The following SLC35F3 variants were observed in gnomAD, a reference collection of about 807,000 sequenced individuals.
SLC35F3 encodes solute carrier family 35 member F3, also known as putative thiamine transporter SLC35F3.
Under a neutral mutation model 49.9 loss-of-function variants are expected in SLC35F3, and 25 were observed. The ratio of observed to expected loss-of-function variants is 0.50; its 90% confidence interval spans 0.37 to 0.70. The LOEUF is 0.70. Ranked by LOEUF, SLC35F3 falls within the 30% of genes least tolerant of loss-of-function variation. SLC35F3 has a pLI of 0.00. For synonymous variants in SLC35F3, 275 were observed against 265.4 expected (o/e 1.04, Z -0.35); for missense variants, 525 against 639.8 (o/e 0.82, Z 1.94).
In SLC35F3 at chr1:234,215,201, T is replaced by C. The variant is rs2102942076; in HGVS notation, c.284-16216T>C. On this transcript the variant is annotated intron_variant, in intron 2 of 7. Transcript: ENST00000366618. ...TCTTTCCCAGGCCCTGGAGAGGGAT[T>C]GGAAGGGCTGTGAGAGGCCCCCAGA... 2.0e-5 allele frequency: 3 copies of C among 152,478 alleles called. No individual in the cohort carries two copies. The Middle Eastern group carries it at 0.01, about 519-fold the overall frequency. 9.4% of individuals were successfully genotyped at this position (152,478 alleles called of 1,614,324 possible). A position where few individuals can be genotyped will look rare whatever the true frequency, so the allele number is the denominator to read the frequency against.
intron 2 of SLC35F3, among the ~76,000 whole-genome samples, chr1:234,039,552 G>A (rs891388673): frequency 2.0e-5 from 3 of 152,196 alleles, no homozygotes; most frequent in African/African-American, 7.2e-5. Context: ...ACGGCTCCCA[G>A]ATGAAACAAG....
chr1:233,922,185 A>G (rs537155845), intron 2 of SLC35F3, among the ~76,000 whole-genome samples: 1 of 152,202 alleles, frequency 6.6e-6, no homozygotes, highest in African/African-American at 2.4e-5. Flanking sequence ...GTCAAATGGT[A>G]TTTCTAGTTC....
chr1:234,188,647 T>C (rs192830314), intron 2 of SLC35F3, among the ~76,000 whole-genome samples: 3 of 152,144 alleles, frequency 2.0e-5, no homozygotes, highest in Non-Finnish European at 4.4e-5. Flanking sequence ...CATATTCTCT[T>C]GGGAGTTCTA....
rs187610159 is a variant in SLC35F3 at position 234,189,556 on chromosome 1, C to T, written c.284-41861C>T. ...ATTTTTAAAAAATTAACAAAGCCTC[C>T]GAGAAGTCTGGGGTTATGTTAAATT... On this transcript the variant is annotated intron_variant, in intron 2 of 7. Transcript: ENST00000366618. Among the ~76,000 whole-genome samples, 43 of 151,410 alleles carry T rather than the reference C, an allele frequency of 2.8e-4. No individual in the cohort carries two copies. In the East Asian group the frequency reaches 6.8e-3, roughly 24 times the overall value.
chr1:234,309,003 C>G, intron 3 of SLC35F3, 98 bp from the exon 4 acceptor site: 1 of 800,086 alleles, frequency 1.2e-6, no homozygotes, highest in South Asian at 1.8e-5. Context: ...CCTGCCCCTT[C>G]CTATATTTGC....
intron 3 of SLC35F3, chr1:234,285,388 G>T: frequency 2.1e-6 from 1 of 470,234 alleles, no homozygotes; most frequent in South Asian, 1.5e-5. Flanking sequence ...CAAGCCAAGA[G>T]AGATGAATTA....
At chr1:234,279,694 T>G (rs1214505567) in intron 3 of SLC35F3, among the ~76,000 whole-genome samples, 2 of 152,184 alleles carry the variant, frequency 1.3e-5, no homozygotes, top group Non-Finnish European at 2.9e-5. Flanking sequence ...CCAGGCTGCC[T>G]GTGGAGTGGG....
intron 2 of SLC35F3, among the ~76,000 whole-genome samples, chr1:234,122,987 A>G (rs898070642): frequency 9.2e-5 from 14 of 152,198 alleles, no homozygotes; most frequent in Non-Finnish European, 1.5e-5. Flanking sequence ...CATACCCAGT[A>G]ATGGGATCGC....
intron 2 of SLC35F3, among the ~76,000 whole-genome samples, chr1:234,143,963 G>T (rs1317444734): frequency 6.6e-6 from 1 of 152,134 alleles, no homozygotes; most frequent in Non-Finnish European, 1.5e-5. Context: ...TGCCCCTAGG[G>T]ATATAGGAAT....
Position 234,320,616 on chromosome 1 carries a change from T to A in SLC35F3, c.1237+429T>A, listed in dbSNP as rs1657593575. Among the ~76,000 whole-genome samples the A allele has an allele frequency of 6.6e-6, 1 of 152,178 alleles. No homozygotes were observed. The highest frequency in any genetic ancestry group is 1.5e-5 in the Non-Finnish European group (1 of 68,020). On this transcript the variant is annotated intron_variant, in intron 7 of 7. Transcript: ENST00000366618. This position sits in a 1 kb window ranked among gnomAD's most constrained non-coding sequence, Gnocchi z 4.8. ...AATGTCACTTTTGCAGGTAACTTTCTGGGGGAGAAAATTTGCTCAAGGCAT... is the reference window on the plus strand; with the variant it reads ...AATGTCACTTTTGCAGGTAACTTTCAGGGGGAGAAAATTTGCTCAAGGCAT...
intron 3 of SLC35F3, among the ~76,000 whole-genome samples, chr1:234,289,567 TG>T (rs1312583832): frequency 2.0e-5 from 3 of 152,260 alleles, no homozygotes; most frequent in Admixed American, 1.3e-4. Context: ...CACCCACCCT[TG>T]GGATATGAGA....
At chr1:234,184,519 G>A (rs1293941462) in intron 2 of SLC35F3, among the ~76,000 whole-genome samples, 3 of 152,170 alleles carry the variant, frequency 2.0e-5, no homozygotes, top group Non-Finnish European at 4.4e-5. Context: ...TATGAGACCT[G>A]ACATTTTGTC....
intron 2 of SLC35F3, among the ~76,000 whole-genome samples, chr1:234,175,654 C>A (rs1212322879): frequency 2.3e-5 from 3 of 131,562 alleles, no homozygotes; most frequent in African/African-American, 8.4e-5. Flanking sequence ...CAGAGTGAGA[C>A]CCTGTCTCAA....
chr1:233,997,369 C>T (rs1663478381), intron 2 of SLC35F3, among the ~76,000 whole-genome samples: 2 of 151,906 alleles, frequency 1.3e-5, no homozygotes, highest in African/African-American at 2.4e-5. Flanking sequence ...ACTCCCCCCA[C>T]AACAATGAAA....
chr1:234,259,428 A>G (rs76741416), intron 3 of SLC35F3, among the ~76,000 whole-genome samples: 13,001 of 152,182 alleles, frequency 0.085, 745 homozygotes, highest in Non-Finnish European at 0.12. Flanking sequence ...CTGAGCTGCT[A>G]AGTAGAAAGT....
chr1:233,990,478 C>T (rs948321292), intron 2 of SLC35F3, among the ~76,000 whole-genome samples: 13 of 152,212 alleles, frequency 8.5e-5, no homozygotes, highest in Middle Eastern at 3.4e-3. Context: ...AAAAATGGGA[C>T]GAAGTTAGTC....
At chr1:234,301,433 GA>G (rs1197999794) in intron 3 of SLC35F3, among the ~76,000 whole-genome samples, 5 of 152,168 alleles carry the variant, frequency 3.3e-5, no homozygotes, top group South Asian at 4.1e-4. Context: ...ACAAACATAT[GA>G]AAAAAATGCT....
Position 233,957,253 on chromosome 1 carries a change from TGTACTACTTA to T in SLC35F3, c.283+51496_283+51505del, listed in dbSNP as rs1323675129. On this transcript the variant is annotated intron_variant, in intron 2 of 7. Coordinates refer to ENST00000366618, the MANE Select transcript of SLC35F3 (RefSeq NM_173508.4). This position sits in a 1 kb window ranked among gnomAD's most constrained non-coding sequence, Gnocchi z 4.0. ...ATTGGATTTTTGAACTGGACTGAAA[TGTACTACTTA>T]AGGAGGCTGAATATAAAGGAATCTG... is the stretch of plus-strand genomic sequence containing the variant. Among the ~76,000 whole-genome samples the T allele has an allele frequency of 6.6e-6, 1 of 152,114 alleles. No homozygotes were observed. The highest frequency in any genetic ancestry group is 1.5e-5 in the Non-Finnish European group (1 of 67,998).
intron 2 of SLC35F3, among the ~76,000 whole-genome samples, chr1:233,967,614 A>G (rs1662924264): frequency 6.6e-6 from 1 of 152,210 alleles, no homozygotes; most frequent in African/African-American, 2.4e-5. Context: ...GTTGAGACCA[A>G]TGTGGAACCC....
Sources: gnomAD v4.1 joint callset for allele counts (sites outside exome capture counted in the v4.1 genomes callset) on GRCh38, gnomAD v4.1.1 for gene constraint, Gnocchi (gnomAD v3.1) non-coding constraint, MANE v1.5 for transcripts, NCBI Gene and HGNC (gene_info 2026-07-23, HGNC 2026-07-21) for gene names.